The following TLN2 variants were observed in gnomAD, a reference collection of about 807,000 sequenced individuals.
The protein encoded by TLN2 is talin 2.
TLN2 carries 118 observed loss-of-function variants against 294.7 expected under a neutral mutation model. The observed-to-expected ratio is 0.40, with a 90% CI of 0.34 to 0.47. TLN2 has a LOEUF of 0.47. TLN2 is among the 20% of genes least tolerant of loss of function. The pLI is 0.84. For missense variants in TLN2, 3,083 were observed against 3,282.2 expected, an observed-to-expected ratio of 0.94 and a Z score of 1.48; for synonymous variants, 1,431 against 1,304.5, an observed-to-expected ratio of 1.10 and a Z score of -2.09.
chr15:62,462,393 G>A (rs934586626), intron 1 of TLN2, among the ~76,000 whole-genome samples: 1 of 152,204 alleles, frequency 6.6e-6, no homozygotes, highest in Non-Finnish European at 1.5e-5. Flanking sequence ...CCCCCTGCCT[G>A]GGTCTTCTGA....
chr15:62,796,608 G>T (rs1475438269), intron 47 of TLN2, among the ~76,000 whole-genome samples: 1 of 152,206 alleles, frequency 6.6e-6, no homozygotes, highest in Non-Finnish European at 1.5e-5. Flanking sequence ...GCAGGATTGG[G>T]AATGGCAGGG....
chr15:62,783,828 A>G lies in TLN2; in HGVS notation c.5674A>G (p.Ser1892Gly), dbSNP rs1274414668. 2 of 1,613,572 alleles carry G rather than the reference A, an allele frequency of 1.2e-6. No individual in the cohort carries two copies. Among genetic ancestry groups the G allele is most frequent in the African/African-American group, 1.3e-5 (1 of 74,908 alleles). Residue 1892 changes from serine (S) to glycine (G), a missense_variant, in exon 45 of 59, where the codon AGT becomes GGT. Physicochemically the swap from Ser to Gly is moderately conservative, Grantham distance 56. Transcript: ENST00000636159. Reference sequence around the variant, plus strand: ...GGGAGGACTGGCTTCACAAATGACCAGTGACTATGGGCACCTGGCTTTCCA... The same window carrying G: ...GGGAGGACTGGCTTCACAAATGACCGGTGACTATGGGCACCTGGCTTTCCA... Reference protein sequence around the residue: ...ELGGLASQMTSDYGHLAFQGQ... With the variant: ...ELGGLASQMTGDYGHLAFQGQ...
Position 62,708,502 on chromosome 15 carries a change from G to T in TLN2, c.2173G>T (p.Val725Phe). ...AAAACCTGTTCCTGTCTCACTTCAG[G>T]TTGTGAGCCCCACTATTAGCTCCCC... ...STSQLVACAKVVSPTISSPVC... is the reference protein window; with the variant it reads ...STSQLVACAKFVSPTISSPVC... The change falls in exon 21 of 59, where the codon GTT becomes TTT. Residue 725 changes from valine (V) to phenylalanine (F), a missense_variant and splice_region_variant. Val to Phe is a conservative substitution (Grantham distance 50, BLOSUM62 -1). Coordinates refer to ENST00000636159, the MANE Select transcript of TLN2 (RefSeq NM_015059.3). The T allele has an allele frequency of 1.2e-6, 2 of 1,612,306 alleles. No homozygotes were observed. Among genetic ancestry groups the T allele is most frequent in the Non-Finnish European group, 1.7e-6 (2 of 1,178,550 alleles).
intron 46 of TLN2, among the ~76,000 whole-genome samples, chr15:62,795,030 CT>C (rs1429238994): frequency 6.6e-6 from 1 of 152,174 alleles, no homozygotes; most frequent in African/African-American, 2.4e-5. Flanking sequence ...TTGGGCCATC[CT>C]GAGGGCAAGA....
rs140327253 is a variant in TLN2 at position 62,492,432 on chromosome 15, G to A, written c.-237-97255G>A. On this transcript the variant is annotated intron_variant, in intron 1 of 58. Transcript: ENST00000636159. ...AAATTAGCTGGGCGTGGTTGGGAGT[G>A]CCTGTAATCTCAGCTACTCCAAGGC... Among the ~76,000 whole-genome samples, 1,048 of 151,778 alleles carry A rather than the reference G, an allele frequency of 6.9e-3. 14 individuals carry two copies. The highest frequency in any genetic ancestry group is 0.024 in the African/African-American group (993 of 41,392).
intron 12 of TLN2, among the ~76,000 whole-genome samples, chr15:62,687,571 C>T (rs1184986630): frequency 2.0e-5 from 3 of 152,110 alleles, no homozygotes; most frequent in East Asian, 1.9e-4. Context: ...CACAATAGAG[C>T]GGGTGGTTGG....
chr15:62,801,197 G>C (rs1331350627), intron 50 of TLN2, among the ~76,000 whole-genome samples: 1 of 152,196 alleles, frequency 6.6e-6, no homozygotes, highest in Non-Finnish European at 1.5e-5. Flanking sequence ...TTTGCTGTTG[G>C]AAAAGCCTAG....
At chr15:62,702,285 C>G in intron 18 of TLN2, 85 bp downstream of exon 18, 4 of 1,411,350 alleles carry the variant, frequency 2.8e-6, no homozygotes, top group Non-Finnish European at 3.8e-6. Flanking sequence ...GCTTCCCGAG[C>G]TGTTCCTTGC....
At chr15:62,741,748 C>CGCGCGCGCGCGTGTGTGTGT in intron 32 of TLN2, among the ~76,000 whole-genome samples, 111 of 131,162 alleles carry the variant, frequency 8.5e-4, no homozygotes, top group South Asian at 3.2e-3. Flanking sequence ...AAAATTTGCG[C>CGCGCGCGCGCGTGTGTGTGT]GTGTGTGTGT....
At chr15:62,464,342 A>C (rs185319741) in intron 1 of TLN2, among the ~76,000 whole-genome samples, 1 of 152,262 alleles carries the variant, frequency 6.6e-6, no homozygotes, top group East Asian at 1.9e-4. Flanking sequence ...CAAACACTAC[A>C]TGTTCTCACT....
chr15:62,711,440 G>A (rs2059424839), intron 21 of TLN2, among the ~76,000 whole-genome samples: 1 of 152,204 alleles, frequency 6.6e-6, no homozygotes, highest in African/African-American at 2.4e-5. Flanking sequence ...AATGGATTGT[G>A]TGATATCCCT....
chr15:62,446,520 A>G (rs2035830657), intron 1 of TLN2, among the ~76,000 whole-genome samples: 1 of 152,220 alleles, frequency 6.6e-6, no homozygotes, highest in Admixed American at 6.5e-5. Context: ...CAGAAGGAAC[A>G]TTAGCTAGTG....
intron 11 of TLN2, among the ~76,000 whole-genome samples, chr15:62,677,874 C>T (rs1048642945): frequency 7.8e-6 from 1 of 127,758 alleles, no homozygotes; most frequent in Non-Finnish European, 1.6e-5. Context: ...CGGCTCACCA[C>T]AACCTCCGCC....
At chr15:62,569,475 G>T (rs530984301) in intron 1 of TLN2, among the ~76,000 whole-genome samples, 2 of 152,324 alleles carry the variant, frequency 1.3e-5, no homozygotes, top group East Asian at 1.9e-4. Flanking sequence ...GGGAGGCAGG[G>T]GTTAGCCCGG....
chr15:62,439,388 C>G (rs181866546), intron 1 of TLN2, among the ~76,000 whole-genome samples: 1 of 152,160 alleles, frequency 6.6e-6, no homozygotes. Context: ...TCTCAGCTCA[C>G]TGCACCCTCC....
chr15:62,549,633 C>T (rs1596089620), intron 1 of TLN2, among the ~76,000 whole-genome samples: 1 of 152,284 alleles, frequency 6.6e-6, no homozygotes, highest in Non-Finnish European at 1.5e-5. Flanking sequence ...TTTGACAAAT[C>T]TACAATTTTG....
intron 1 of TLN2, among the ~76,000 whole-genome samples, chr15:62,554,848 C>T (rs1319662831): frequency 6.6e-6 from 1 of 152,136 alleles, no homozygotes; most frequent in Non-Finnish European, 1.5e-5. Flanking sequence ...AAATTCAGCA[C>T]TCTAGCAAGA....
At chr15:62,690,896 C>G (rs1051762398) in intron 12 of TLN2, among the ~76,000 whole-genome samples, 3 of 151,546 alleles carry the variant, frequency 2.0e-5, no homozygotes, top group African/African-American at 7.3e-5. Flanking sequence ...CGCCTGCAAT[C>G]GCAGGCACTC....
intron 1 of TLN2, among the ~76,000 whole-genome samples, chr15:62,468,296 C>T (rs2037256589): frequency 6.6e-6 from 1 of 152,076 alleles, no homozygotes; most frequent in Non-Finnish European, 1.5e-5. Context: ...GAAATGCCTG[C>T]AACAGAATGA....
Sources: gnomAD v4.1 joint callset for allele counts (sites outside exome capture counted in the v4.1 genomes callset) on GRCh38, gnomAD v4.1.1 for gene constraint, MANE v1.5 for transcripts, NCBI Gene and HGNC (gene_info 2026-07-23, HGNC 2026-07-21) for gene names.